Variants in MAP3K20 observed in about 807,000 individuals in gnomAD.
The protein encoded by MAP3K20 is HCCS-4.
Under a neutral mutation model 85.7 loss-of-function variants are expected in MAP3K20, and 40 were observed. The ratio of observed to expected loss-of-function variants is 0.47; its 90% CI spans 0.36 to 0.61. The LOEUF (loss-of-function observed/expected upper bound fraction) is 0.61, where lower values mean the gene tolerates loss of function less well. Among genes scored for constraint, MAP3K20 ranks in the 20% least tolerant of loss-of-function variants. The pLI, the probability that MAP3K20 is intolerant of heterozygous loss-of-function variation, is 0.00. For synonymous variants in MAP3K20, 325 were observed against 327.7 expected (o/e 0.99, Z 0.09); for missense variants, 817 against 961.7 (o/e 0.85, Z 1.99).
At chr2:173,136,909 A>G (rs1437123942) in intron 2 of MAP3K20, among the ~76,000 whole-genome samples, 1 of 152,244 alleles carries the variant, frequency 6.6e-6, no homozygotes, top group Admixed American at 6.5e-5. Context: ...GCAGTTTGCC[A>G]GCTGCTTAGG....
chr2:173,256,480 A>AATAGATAG (rs56269594), intron 16 of MAP3K20, among the ~76,000 whole-genome samples: 1 of 149,250 alleles, frequency 6.7e-6, no homozygotes, highest in African/African-American at 2.5e-5. Context: ...AATTTAAAAA[A>AATAGATAG]ATAGATAGAT....
At chr2:173,228,224 T>A (rs1234923956) in intron 11 of MAP3K20, among the ~76,000 whole-genome samples, 1 of 151,966 alleles carries the variant, frequency 6.6e-6, no homozygotes, top group Non-Finnish European at 1.5e-5. Flanking sequence ...AGCTAGTGGG[T>A]TTTTCCGCTT....
At chr2:173,188,096 C>T (rs894457016) in intron 5 of MAP3K20, among the ~76,000 whole-genome samples, 9 of 152,126 alleles carry the variant, frequency 5.9e-5, no homozygotes, top group Non-Finnish European at 1.0e-4. Flanking sequence ...GCCTGTATTA[C>T]CTGGAGTAGT....
At chr2:173,100,407 C>T (rs1559230849) in intron 2 of MAP3K20, among the ~76,000 whole-genome samples, 1 of 152,226 alleles carries the variant, frequency 6.6e-6, no homozygotes, top group Non-Finnish European at 1.5e-5. Context: ...TCCTTGCCAG[C>T]CTCACAACAC....
chr2:173,115,281 T>C (rs1243505522), intron 2 of MAP3K20, among the ~76,000 whole-genome samples: 1 of 152,196 alleles, frequency 6.6e-6, no homozygotes, highest in Admixed American at 6.5e-5. Flanking sequence ...CTTTAAGTTA[T>C]CTATTTTCTT....
intron 2 of MAP3K20, among the ~76,000 whole-genome samples, chr2:173,156,731 G>A (rs1351673606): frequency 6.6e-6 from 1 of 152,186 alleles, no homozygotes; most frequent in African/African-American, 2.4e-5. Context: ...GTGCGACCTG[G>A]TTCCTAACAG....
chr2:173,104,461 G>T (rs973448303), intron 2 of MAP3K20, among the ~76,000 whole-genome samples: 1 of 152,124 alleles, frequency 6.6e-6, no homozygotes, highest in African/African-American at 2.4e-5. Flanking sequence ...ATAAGGAAAT[G>T]TGATGAATAT....
intron 10 of MAP3K20, among the ~76,000 whole-genome samples, chr2:173,215,156 C>T (rs76610570): frequency 0.012 from 1,782 of 152,284 alleles, 22 homozygotes; most frequent in Middle Eastern, 0.02. Context: ...TGGCCATTTA[C>T]CCTGGTCTAA....
intron 2 of MAP3K20, among the ~76,000 whole-genome samples, chr2:173,122,974 A>G (rs1688338971): frequency 6.6e-6 from 1 of 152,188 alleles, no homozygotes; most frequent in Non-Finnish European, 1.5e-5. Flanking sequence ...TCAGAGATGC[A>G]GCGCTCCCCT....
chr2:173,245,332 G>A (rs1391349453), intron 16 of MAP3K20, among the ~76,000 whole-genome samples: 1 of 152,140 alleles, frequency 6.6e-6, no homozygotes, highest in Non-Finnish European at 1.5e-5. Context: ...CAGAACCCTG[G>A]AAGGTGATCT....
In MAP3K20 at chr2:173,224,359, G is replaced by A. The variant is rs150750708; in HGVS notation, c.988-5330G>A. The A allele has an allele frequency of 1.2e-3, 1,180 of 985,350 alleles. 2 individuals carry two copies. Among genetic ancestry groups the A allele is most frequent in the Non-Finnish European group, 1.3e-3 (1,098 of 829,918 alleles). 61.0% of individuals were successfully genotyped at this position (985,350 alleles called of 1,614,324 possible). On this transcript the variant is annotated intron_variant, in intron 11 of 19. Transcript: ENST00000375213. ...TACGTTTAGAACATATGAACTGAAT[G>A]AAATGGACATTTTTTCTTAATTTAT...
At chr2:173,199,081 T>G (rs1267914831) in intron 8 of MAP3K20, among the ~76,000 whole-genome samples, 3 of 152,178 alleles carry the variant, frequency 2.0e-5, no homozygotes, top group African/African-American at 7.2e-5. Context: ...ACTGCAACCT[T>G]AGAATAAAAT....
At chr2:173,169,264 C>A (rs962410875) in intron 2 of MAP3K20, among the ~76,000 whole-genome samples, 1 of 152,166 alleles carries the variant, frequency 6.6e-6, no homozygotes, top group Non-Finnish European at 1.5e-5. Flanking sequence ...CATTATCAGT[C>A]AGGTGGGCTT....
chr2:173,115,792 C>T (rs951217292), intron 2 of MAP3K20, among the ~76,000 whole-genome samples: 1 of 152,086 alleles, frequency 6.6e-6, no homozygotes, highest in Non-Finnish European at 1.5e-5. Flanking sequence ...AGCTGTGGAT[C>T]CCAGCACCTG....
intron 10 of MAP3K20, among the ~76,000 whole-genome samples, chr2:173,215,265 T>G (rs1684037486): frequency 6.6e-6 from 1 of 152,202 alleles, no homozygotes; most frequent in Non-Finnish European, 1.5e-5. Flanking sequence ...CATCGCACAC[T>G]GAGGGCACCC....
rs887194175 is a variant in MAP3K20 at position 173,226,056 on chromosome 2, C to G, written c.988-3633C>G. The G allele has an allele frequency of 3.9e-5, 38 of 985,314 alleles. No individual in the cohort carries two copies. In the African/African-American group the frequency reaches 6.3e-4, roughly 16 times the overall value. 61.0% of individuals were successfully genotyped at this position (985,314 alleles called of 1,614,324 possible). ...AAAGACGTTGAAAGCCTACAGCTCA[C>G]TGTTTTTGGTGCTCTGGAAATGTTG... On this transcript the variant is annotated intron_variant, in intron 11 of 19. Coordinates refer to ENST00000375213, the MANE Select transcript of MAP3K20 (RefSeq NM_016653.3).
Position 173,122,626 on chromosome 2 carries a change from C to G in MAP3K20, c.159+31436C>G, listed in dbSNP as rs7582690. 2.5e-3 allele frequency among the ~76,000 whole-genome samples: 376 copies of G among 152,192 alleles called. 3 individuals are homozygous for G. Among genetic ancestry groups the G allele is most frequent in the African/African-American group, 8.7e-3 (362 of 41,500 alleles). ...AACTGGGTGTGATTCTGTGACTCTC[C>G]ATTGTGGTGACGTAATGGCCACTGG... On this transcript the variant is annotated intron_variant, in intron 2 of 19. Transcript: ENST00000375213.
intron 2 of MAP3K20, among the ~76,000 whole-genome samples, chr2:173,140,184 G>A (rs935652898): frequency 6.6e-6 from 1 of 151,860 alleles, no homozygotes; most frequent in Admixed American, 6.6e-5. Context: ...GCTAATTTTT[G>A]TATTTTTAGT....
In MAP3K20 at chr2:173,224,863, T is replaced by G. The variant is rs965553508; in HGVS notation, c.988-4826T>G. 3 of 985,146 alleles carry G rather than the reference T, an allele frequency of 3.0e-6. No homozygotes were observed. The African/African-American group carries it at 5.2e-5, about 17-fold the overall frequency. 61.0% of individuals were successfully genotyped at this position (985,146 alleles called of 1,614,324 possible). On this transcript the variant is annotated intron_variant, in intron 11 of 19. Coordinates refer to ENST00000375213, the MANE Select transcript of MAP3K20 (RefSeq NM_016653.3). ...AATATTTATTAGCCATATGCAGAAT[T>G]TCTAATGATGATATTGTACAGCTTC...
Sources: allele counts gnomAD v4.1 joint callset (sites outside exome capture counted in the v4.1 genomes callset), GRCh38; gene constraint gnomAD v4.1.1; transcripts MANE v1.5; gene names NCBI Gene and HGNC (gene_info 2026-07-23, HGNC 2026-07-21).